The following MIGA2 variants were observed in gnomAD, a reference collection of about 807,000 sequenced individuals.
MIGA2 encodes mitoguardin 2, also known as family with sequence similarity 73, member B.
A neutral mutation model predicts 69.9 loss-of-function variants in MIGA2; 36 were observed. The observed-to-expected ratio is 0.52, with a 90% CI of 0.39 to 0.68. The LOEUF is 0.68. Among genes scored for constraint, MIGA2 ranks in the 30% least tolerant of loss-of-function variants. The pLI is 0.00. For missense variants in MIGA2, 660 were observed against 787.7 expected (o/e 0.84, Z 1.94); for synonymous variants, 333 against 349.2 (o/e 0.95, Z 0.52).
chr9:129,042,250 G>A, intron 2 of MIGA2, 54 bp from the exon 3 acceptor site: 1 of 1,589,492 alleles, frequency 6.3e-7, no homozygotes, highest in Middle Eastern at 2.3e-4. Context: ...CGGTCCTGCT[G>A]CCTTGGACCT....
chr9:129,066,332 C>A (rs911478938), intron 11 of MIGA2, among the ~76,000 whole-genome samples: 2 of 152,170 alleles, frequency 1.3e-5, no homozygotes, highest in African/African-American at 4.8e-5. Context: ...GGGCCCCACC[C>A]TCTGGGGAGC....
intron 6 of MIGA2, among the ~76,000 whole-genome samples, chr9:129,058,097 A>C (rs1845884459): frequency 6.6e-6 from 1 of 151,996 alleles, no homozygotes; most frequent in African/African-American, 2.4e-5. Flanking sequence ...CTTTTAGAGG[A>C]GTCAAAAGTT....
rs752734296 is a variant in MIGA2 at position 129,049,370 on chromosome 9, T to C, written c.421-11T>C. ...GCTTCACTCTTTCTTCTTGCACTGA[T>C]TGGCGCCCAGATGATGGCAGTGAAC... On this transcript the variant is annotated splice_polypyrimidine_tract_variant and intron_variant, in intron 4 of 15. Transcript: ENST00000684074. The C allele has an allele frequency of 1.2e-6, 2 of 1,612,576 alleles. No individual in the cohort carries two copies. The highest frequency in any genetic ancestry group is 1.7e-6 in the Non-Finnish European group (2 of 1,179,254).
At chr9:129,039,059 T>A (rs1844749693) in intron 1 of MIGA2, among the ~76,000 whole-genome samples, 1 of 151,772 alleles carries the variant, frequency 6.6e-6, no homozygotes, top group South Asian at 2.1e-4. Context: ...CCTTCCAAAG[T>A]GCTGGGATTA....
intron 11 of MIGA2, among the ~76,000 whole-genome samples, chr9:129,066,830 G>A (rs1427269213): frequency 2.1e-4 from 30 of 144,946 alleles, no homozygotes; most frequent in African/African-American, 3.1e-4. Context: ...GCGTGGTGGC[G>A]GGCACCTGTA....
At chr9:129,041,637 A>G (rs1024948026) in intron 2 of MIGA2, among the ~76,000 whole-genome samples, 5 of 152,196 alleles carry the variant, frequency 3.3e-5, no homozygotes, top group Non-Finnish European at 7.3e-5. Context: ...ACCTGGTCCT[A>G]TATGAACTCT....
rs1421804250 is a variant in MIGA2, at chr9:129,040,651, G to A, written c.57G>A (p.Val19=). Residue 19 remains valine (V), a synonymous_variant, in exon 2 of 16, where the codon GTG becomes GTA. Transcript: ENST00000684074. ...TGATCCAGGCCCTGGCCATGACGGT[G>A]GCCGAGATCCCCGTGTTCCTGTACA... ...TSMIQALAMT[V]AEIPVFLYTT... is the part of the protein sequence containing the mutation. The A allele has an allele frequency of 6.2e-7, 1 of 1,613,918 alleles. No homozygotes were observed. Among genetic ancestry groups the A allele is most frequent in the South Asian group, 1.1e-5 (1 of 91,046 alleles).
At position 129,060,529 on chromosome 9, in the gene MIGA2, T is replaced by A; in HGVS notation, c.794-21T>A. Reference sequence around the variant, plus strand: ...CTGTGTGGGGAGTCTCAGCCCCGCTTTCTCTCACTGCTCTTCCCAGAGAGG... The same window carrying A: ...CTGTGTGGGGAGTCTCAGCCCCGCTATCTCTCACTGCTCTTCCCAGAGAGG... On this transcript the variant is annotated intron_variant, in intron 7 of 15. Coordinates refer to ENST00000684074, the MANE Select transcript of MIGA2 (RefSeq NM_001329990.2). The surrounding 1 kb of genome is among the most constrained non-coding windows in gnomAD (Gnocchi z 4.8). 6.4e-7 allele frequency: 1 copy of A among 1,568,232 alleles called. No homozygotes were observed. Among genetic ancestry groups the A allele is most frequent in the Non-Finnish European group, 8.7e-7 (1 of 1,154,326 alleles).
Position 129,060,734 on chromosome 9 carries a change from G to A in MIGA2, c.894+84G>A. 8.8e-7 allele frequency: 1 copy of A among 1,136,794 alleles called. No individual in the cohort carries two copies. 70.4% of individuals were successfully genotyped at this position (1,136,794 alleles called of 1,614,324 possible). A position where few individuals can be genotyped will look rare whatever the true frequency, so the allele number is the denominator to read the frequency against. On this transcript the variant is annotated intron_variant, in intron 8 of 15. Transcript: ENST00000684074. This position sits in a 1 kb window ranked among gnomAD's most constrained non-coding sequence, Gnocchi z 4.8. The stretch of plus-strand genomic sequence containing the variant: ...TCCATGGGGCCAGCACTGGGTCATG[G>A]GAAAGTGGAGGCATTTCCTCTGATG...
intron 2 of MIGA2, 104 bp from the exon 3 acceptor site, chr9:129,042,200 G>A (rs531638587): frequency 3.7e-5 from 42 of 1,137,988 alleles, no homozygotes; most frequent in African/African-American, 1.2e-4. Context: ...CAGATGTGCC[G>A]GAGAGCCGGT....
chr9:129,054,914 C>T (rs943691370), intron 6 of MIGA2, among the ~76,000 whole-genome samples: 5 of 151,954 alleles, frequency 3.3e-5, no homozygotes, highest in African/African-American at 7.3e-5. Flanking sequence ...TTTTTTAAGA[C>T]GGAGTCTCGC....
rs1377686923 is a variant in MIGA2, at chr9:129,060,479, C to T, written c.794-71C>T. ...CTCCCCTGGGCCTGATGGGGGACTT[C>T]GTGTACCGGGATTCCAGCTGAGCAC... is the stretch of plus-strand genomic sequence containing the variant. On this transcript the variant is annotated intron_variant, in intron 7 of 15. Transcript: ENST00000684074. The surrounding 1 kb of genome is among the most constrained non-coding windows in gnomAD (Gnocchi z 4.8). The T allele has an allele frequency of 2.1e-5, 27 of 1,277,062 alleles. No homozygotes were observed. Among genetic ancestry groups the T allele is most frequent in the South Asian group, 4.1e-5 (3 of 72,364 alleles). 79.1% of individuals were successfully genotyped at this position (1,277,062 alleles called of 1,614,324 possible).
In MIGA2 at chr9:129,070,236, T is replaced by C. The variant is rs1846600168; in HGVS notation, c.1576-11T>C. ...GCTGGGCCAGGCCTGACACCAGCCC[T>C]GCTCCCCCAGCACCAGATTGTGCAG... On this transcript the variant is annotated splice_polypyrimidine_tract_variant and intron_variant, in intron 15 of 15. Transcript: ENST00000684074. 6.2e-7 allele frequency: 1 copy of C among 1,608,272 alleles called. No individual in the cohort carries two copies. The highest frequency in any genetic ancestry group is 8.5e-7 in the Non-Finnish European group (1 of 1,176,274).
rs1167182609 is a variant in MIGA2 at position 129,061,224 on chromosome 9, C to T, written c.895-7C>T. On this transcript the variant is annotated splice_polypyrimidine_tract_variant and splice_region_variant and intron_variant, in intron 8 of 15. Coordinates refer to ENST00000684074, the MANE Select transcript of MIGA2 (RefSeq NM_001329990.2). The surrounding 1 kb of genome is among the most constrained non-coding windows in gnomAD (Gnocchi z 5.0). ...TCCCTGGTCTCTTCCTCTGCACCCT[C>T]TCCCAGCTCTTTGAGTCCCTGCAGA... The T allele has an allele frequency of 6.2e-7, 1 of 1,607,608 alleles. No homozygotes were observed. Among genetic ancestry groups the T allele is most frequent in the Non-Finnish European group, 8.5e-7 (1 of 1,177,270 alleles).
Position 129,068,919 on chromosome 9 carries a change from C to A in MIGA2, c.1405-157C>A. The A allele has an allele frequency of 1.3e-6, 1 of 770,080 alleles. No individual in the cohort carries two copies. Among genetic ancestry groups the A allele is most frequent in the Non-Finnish European group, 2.2e-6 (1 of 447,216 alleles). The allele number at this position is 770,080 out of a possible 1,614,324, so 47.7% of individuals were successfully genotyped here. On this transcript the variant is annotated intron_variant, in intron 13 of 15. Transcript: ENST00000684074. The surrounding 1 kb of genome is among the most constrained non-coding windows in gnomAD (Gnocchi z 4.1). ...GTTTAGGTATGTCTGAGTCCAAAATCAGAGGAGGAAGCAGCAGAGCTTAGG... is the reference window on the plus strand; with the variant it reads ...GTTTAGGTATGTCTGAGTCCAAAATAAGAGGAGGAAGCAGCAGAGCTTAGG...
chr9:129,069,202 A>C lies in MIGA2; in HGVS notation c.1458+73A>C. 6.3e-7 allele frequency: 1 copy of C among 1,594,034 alleles called. No individual in the cohort carries two copies. The highest frequency in any genetic ancestry group is 8.6e-7 in the Non-Finnish European group (1 of 1,165,594). On this transcript the variant is annotated intron_variant, in intron 14 of 15. Transcript: ENST00000684074. The surrounding 1 kb of genome is among the most constrained non-coding windows in gnomAD (Gnocchi z 4.9). ...GCGTGGTGGGGAGCGGAGCGGGTGC[A>C]GGGTGGCTCGCTGGGCCACTTGGCC...
Position 129,061,488 on chromosome 9 carries a change from G to A in MIGA2, c.1010+142G>A, listed in dbSNP as rs1846067361. 1.4e-6 allele frequency: 1 copy of A among 693,880 alleles called. No homozygotes were observed. Among genetic ancestry groups the A allele is most frequent in the Non-Finnish European group, 2.4e-6 (1 of 412,610 alleles). 43.0% of individuals were successfully genotyped at this position (693,880 alleles called of 1,614,324 possible). On this transcript the variant is annotated intron_variant, in intron 9 of 15. Transcript: ENST00000684074. This position sits in a 1 kb window ranked among gnomAD's most constrained non-coding sequence, Gnocchi z 5.0. ...GCTGCCTGAGGGCCGTGGTGAGCTGGTGACAGCTCCTCCCCCAGCTGCAGA... is the reference window on the plus strand; with the variant it reads ...GCTGCCTGAGGGCCGTGGTGAGCTGATGACAGCTCCTCCCCCAGCTGCAGA...
Position 129,038,789 on chromosome 9 carries a change from CTT to C in MIGA2, c.-143-1640_-143-1639del, listed in dbSNP as rs869238538. Among the ~76,000 whole-genome samples, 263 of 89,022 alleles carry C rather than the reference CTT, an allele frequency of 3.0e-3. 1 individual carries two copies. Among genetic ancestry groups the C allele is most frequent in the African/African-American group, 0.012 (251 of 20,608 alleles). The allele number at this position is 89,022 out of a possible 152,430, so 58.4% of individuals were successfully genotyped here. A position where few individuals can be genotyped will look rare whatever the true frequency, so the allele number is the denominator to read the frequency against. ...CACATAATCCTTTTTTTTTGTTTGT[CTT>C]TTTTTTTTTTTTTTTTTTTTTTGTG... On this transcript the variant is annotated intron_variant, in intron 1 of 15. Coordinates refer to ENST00000684074, the MANE Select transcript of MIGA2 (RefSeq NM_001329990.2).
chr9:129,040,737 T>C, intron 2 of MIGA2, 47 bp downstream of exon 2: 2 of 1,560,582 alleles, frequency 1.3e-6, no homozygotes, highest in Non-Finnish European at 1.8e-6. Context: ...AACACTTCCA[T>C]GCTCAGCCAA....
Sources: allele counts gnomAD v4.1 joint callset (sites outside exome capture counted in the v4.1 genomes callset), GRCh38; gene constraint gnomAD v4.1.1; non-coding constraint Gnocchi (gnomAD v3.1); transcripts MANE v1.5; gene names NCBI Gene and HGNC (gene_info 2026-07-23, HGNC 2026-07-21).